The following PHLPP2 variants were observed in gnomAD, a reference collection of about 807,000 sequenced individuals.
PHLPP2 encodes PH domain leucine-rich repeat-containing protein phosphatase 2.
Under a neutral mutation model 124.9 loss-of-function variants are expected in PHLPP2, and 66 were observed. The observed-to-expected ratio is 0.53, with a 90% CI of 0.43 to 0.65. The LOEUF (loss-of-function observed/expected upper bound fraction) is 0.65, where lower values mean the gene tolerates loss of function less well. Among genes scored for constraint, PHLPP2 ranks in the 30% least tolerant of loss-of-function variants. The pLI, the probability that PHLPP2 is intolerant of heterozygous loss-of-function variation, is 0.00. For missense variants in PHLPP2, 1,685 were observed against 1,600.4 expected (o/e 1.05, Z -0.90); for synonymous variants, 681 against 624.7 (o/e 1.09, Z -1.34).
At chr16:71,687,306 A>G (rs1366231446) in intron 4 of PHLPP2, among the ~76,000 whole-genome samples, 1 of 152,182 alleles carries the variant, frequency 6.6e-6, no homozygotes, top group African/African-American at 2.4e-5. Flanking sequence ...TATTCTGAAT[A>G]CAAGTCCTTT....
chr16:71,688,627 T>G (rs1275080665), intron 4 of PHLPP2, among the ~76,000 whole-genome samples: 1 of 149,392 alleles, frequency 6.7e-6, no homozygotes, highest in East Asian at 1.9e-4. Context: ...TTTTTTTTTG[T>G]ATGTGTGTGA....
chr16:71,653,219 G>C (rs984727437), intron 17 of PHLPP2, among the ~76,000 whole-genome samples, 198 bp from the exon 18 acceptor site: 1 of 151,416 alleles, frequency 6.6e-6, no homozygotes, highest in African/African-American at 2.4e-5. Flanking sequence ...CTCTCGCTGA[G>C]GAAAAGGTTT....
In PHLPP2 at chr16:71,703,631, T is replaced by C. The variant is rs185070490; in HGVS notation, c.285-900A>G. ...GTTATAAATACAGTGGCTAAACGTA[T>C]AGGCTCCAACAGTCAACTGCCTGGG... On this transcript the variant is annotated intron_variant, in intron 2 of 18. Coordinates refer to ENST00000568954, the MANE Select transcript of PHLPP2 (RefSeq NM_015020.3). Among the ~76,000 whole-genome samples, 530 of 152,018 alleles carry C rather than the reference T, an allele frequency of 3.5e-3. 8 individuals are homozygous for C. The highest frequency in any genetic ancestry group is 0.012 in the African/African-American group (493 of 41,320).
chr16:71,708,025 C>T (rs12445161), intron 2 of PHLPP2, among the ~76,000 whole-genome samples: 39,456 of 152,040 alleles, frequency 0.26, 5,322 homozygotes, highest in Non-Finnish European at 0.3. Context: ...TGGGAAGCAG[C>T]AGTGGGTGAA....
intron 3 of PHLPP2, among the ~76,000 whole-genome samples, chr16:71,696,683 T>C (rs2335716): frequency 0.5 from 75,128 of 151,692 alleles, 18,918 homozygotes; most frequent in Middle Eastern, 0.65. Flanking sequence ...GTAAGAATCA[T>C]GTCCTCTTCC....
intron 5 of PHLPP2, 140 bp downstream of exon 5, chr16:71,684,336 G>A (rs1032486064): frequency 1.4e-6 from 1 of 730,304 alleles, no homozygotes; most frequent in Non-Finnish European, 2.3e-6. Flanking sequence ...ATGTTGGTCA[G>A]ACTGGTCTCG....
At chr16:71,663,750 TG>T in intron 13 of PHLPP2, 148 bp downstream of exon 13, 1 of 660,044 alleles carries the variant, frequency 1.5e-6, no homozygotes. Context: ...ACTATTAAGA[TG>T]AGATTTTGCC....
intron 6 of PHLPP2, among the ~76,000 whole-genome samples, chr16:71,681,401 T>C (rs1001916697): frequency 6.6e-6 from 1 of 152,192 alleles, no homozygotes; most frequent in African/African-American, 2.4e-5. Context: ...GAAATTCTTA[T>C]AATTAGGCCT....
chr16:71,681,761 T>C lies in PHLPP2; in HGVS notation c.880A>G (p.Thr294Ala). The C allele has an allele frequency of 1.2e-6, 2 of 1,613,050 alleles. No individual in the cohort carries two copies. The highest frequency in any genetic ancestry group is 1.7e-6 in the Non-Finnish European group (2 of 1,179,482). Reference sequence around the variant, plus strand: ...CCATTCTCCACATACTTGTAGAGTGTATCGAGGCCTCCGGGTCTTTCTAAC... The same window carrying C: ...CCATTCTCCACATACTTGTAGAGTGCATCGAGGCCTCCGGGTCTTTCTAAC... The part of the protein sequence containing the change: ...MQLERPGGLD[T>A]LYKFSQLKGL... The change falls in exon 6 of 19, where the codon ACA becomes GCA. Residue 294 changes from threonine (T) to alanine (A), a missense_variant. Transcript: ENST00000568954.
In PHLPP2 at chr16:71,652,965, C is replaced by T. The variant is rs762972622; in HGVS notation, c.2642G>A (p.Arg881His). The T allele has an allele frequency of 1.1e-5, 18 of 1,613,956 alleles. No individual in the cohort carries two copies. The highest frequency in any genetic ancestry group is 1.6e-4 in the Middle Eastern group (1 of 6,062). ...ACTTGCTGGATCGGCAGTGTCAGGG[C>T]GGATGTAGCACAGGAGAGCGGAGGA... ...LGSSALLCYI[R>H]PDTADPASSF... The change falls in exon 18 of 19, where the codon CGC becomes CAC. Residue 881 changes from arginine (R) to histidine (H), a missense_variant. Arg to His is a conservative substitution (Grantham distance 29). Transcript: ENST00000568954.
chr16:71,649,772 T>C lies in PHLPP2; in HGVS notation c.3090A>G (p.Val1030=). Residue 1030 remains valine (V), a synonymous_variant, in exon 19 of 19, where the codon GTA becomes GTG. Transcript: ENST00000568954. ...YGCQDNVGAM[V]VYLNIGEEGC... ...CTTCCTCACCAATATTCAAATAAACTACCATCGCCCCTACATTGTCCTGAC... is the reference window on the plus strand; with the variant it reads ...CTTCCTCACCAATATTCAAATAAACCACCATCGCCCCTACATTGTCCTGAC... 6.2e-7 allele frequency: 1 copy of C among 1,614,196 alleles called. No individual in the cohort carries two copies. Among genetic ancestry groups the C allele is most frequent in the Non-Finnish European group, 8.5e-7 (1 of 1,180,028 alleles).
intron 2 of PHLPP2, among the ~76,000 whole-genome samples, chr16:71,703,799 A>G (rs566820987): frequency 6.6e-6 from 1 of 152,354 alleles, no homozygotes; most frequent in South Asian, 2.1e-4. Flanking sequence ...TTTCAACAAG[A>G]TACTATATAG....
intron 3 of PHLPP2, chr16:71,698,614 A>C (rs952068923): frequency 1.3e-5 from 8 of 609,254 alleles, no homozygotes; most frequent in Non-Finnish European, 2.2e-5. Flanking sequence ...AAACAGGCTG[A>C]GTACGCTACC....
chr16:71,705,534 C>T (rs527629823), intron 2 of PHLPP2, among the ~76,000 whole-genome samples: 4 of 151,654 alleles, frequency 2.6e-5, no homozygotes, highest in Admixed American at 2.6e-4. Context: ...TTTTTTGAGC[C>T]GAAGTCTCGC....
In PHLPP2 at chr16:71,716,623, CTTTACTCCA is replaced by C. The variant is rs565825662; in HGVS notation, c.-6-1831_-6-1823del. ...TCCAGCTTCGTTCCCTACTACTGCCCTTTACTCCATGTTTCAATCACCTCCAACTACCTG... is the reference window on the plus strand; with the variant it reads ...TCCAGCTTCGTTCCCTACTACTGCCCTGTTTCAATCACCTCCAACTACCTG... On this transcript the variant is annotated intron_variant, in intron 1 of 18. Coordinates refer to ENST00000568954, the MANE Select transcript of PHLPP2 (RefSeq NM_015020.3). Among the ~76,000 whole-genome samples, 661 of 152,290 alleles carry C rather than the reference CTTTACTCCA, an allele frequency of 4.3e-3. 11 individuals are homozygous for C. Among genetic ancestry groups the C allele is most frequent in the African/African-American group, 0.015 (641 of 41,562 alleles).
intron 12 of PHLPP2, 94 bp from the exon 13 acceptor site, chr16:71,664,193 C>T: frequency 1.2e-6 from 1 of 837,982 alleles, no homozygotes; most frequent in Non-Finnish European, 2.0e-6. Flanking sequence ...GGAATGCTGC[C>T]ATTCTAAGCT....
chr16:71,679,131 T>G (rs2044973804), intron 7 of PHLPP2, 146 bp from the exon 8 acceptor site: 2 of 628,064 alleles, frequency 3.2e-6, no homozygotes, highest in South Asian at 2.0e-5. Flanking sequence ...TATGCAGACT[T>G]AATAGATGAT....
intron 5 of PHLPP2, among the ~76,000 whole-genome samples, chr16:71,683,486 G>C (rs985799631): frequency 2.0e-5 from 3 of 152,174 alleles, no homozygotes; most frequent in Non-Finnish European, 4.4e-5. Flanking sequence ...GTTATGGAAT[G>C]AATCCATCTA....
Position 71,714,715 on chromosome 16 carries a change from ATCT to A in PHLPP2, c.78_80del (p.Glu26del). The A allele has an allele frequency of 6.2e-7, 1 of 1,614,178 alleles. No homozygotes were observed. The highest frequency in any genetic ancestry group is 1.1e-5 in the South Asian group (1 of 91,078). On this transcript the variant is annotated inframe_deletion, in exon 2 of 19. Transcript: ENST00000568954. ...AAAGGTAAACACAGCCTCTCTTTAC[ATCT>A]TCTCTTAGCCAGTCTCTTTCTCGAG... is the stretch of plus-strand genomic sequence containing the variant.
Sources: allele counts gnomAD v4.1 joint callset (sites outside exome capture counted in the v4.1 genomes callset), GRCh38; gene constraint gnomAD v4.1.1; transcripts MANE v1.5; gene names NCBI Gene and HGNC (gene_info 2026-07-23, HGNC 2026-07-21).